Variants in SLC22A9 observed in about 807,000 individuals in gnomAD.
SLC22A9 encodes the protein solute carrier family 22 member 9.
Under a neutral mutation model 50.1 loss-of-function variants are expected in SLC22A9, and 64 were observed. That is an observed-to-expected ratio of 1.28 (90% CI 1.04 to 1.57). SLC22A9 has a LOEUF of 1.57. Ranked by LOEUF, SLC22A9 falls within the 40% of genes most tolerant of loss-of-function variation. The pLI, the probability that SLC22A9 is intolerant of heterozygous loss-of-function variation, is 0.00. For missense variants in SLC22A9, 757 were observed against 676.1 expected (o/e 1.12, Z -1.33); for synonymous variants, 261 against 242.5 (o/e 1.08, Z -0.71).
chr11:63,395,785 C>T (rs548454666), intron 6 of SLC22A9, among the ~76,000 whole-genome samples: 205 of 152,166 alleles, frequency 1.3e-3, no homozygotes, highest in African/African-American at 4.7e-3. Flanking sequence ...GAATATATGC[C>T]TTTTGTCTTC....
At chr11:63,402,251 A>T (rs890342946) in intron 6 of SLC22A9, among the ~76,000 whole-genome samples, 2 of 152,010 alleles carry the variant, frequency 1.3e-5, no homozygotes, top group East Asian at 3.9e-4. Context: ...TACATCTTAC[A>T]TTCAAGCCTT....
At position 63,409,688 on chromosome 11, in the gene SLC22A9, T is replaced by C. The variant is rs183069693; in HGVS notation, c.1602-114T>C. On this transcript the variant is annotated intron_variant, in intron 9 of 9. Transcript: ENST00000279178. Reference sequence around the variant, plus strand: ...CCCTTGGGGGCAGAGATATGGTTTTTACCAAACTAATGGACAAAGAATCAA... The same window carrying C: ...CCCTTGGGGGCAGAGATATGGTTTTCACCAAACTAATGGACAAAGAATCAA... 4 of 1,102,598 alleles carry C rather than the reference T, an allele frequency of 3.6e-6. No homozygotes were observed. In the Admixed American group the frequency reaches 6.6e-5, roughly 18 times the overall value. The allele number at this position is 1,102,598 out of a possible 1,614,324, so 68.3% of individuals were successfully genotyped here. A position where few individuals can be genotyped will look rare whatever the true frequency, so the allele number is the denominator to read the frequency against.
chr11:63,388,345 T>A (rs554711755), intron 6 of SLC22A9, among the ~76,000 whole-genome samples: 1 of 151,882 alleles, frequency 6.6e-6, no homozygotes, highest in African/African-American at 2.4e-5. Flanking sequence ...TGTTCTTCTA[T>A]GCCCAGTTTT....
In SLC22A9 at chr11:63,370,162, A is replaced by T; in HGVS notation, c.106A>T (p.Met36Leu). Residue 36 changes from methionine (M) to leucine (L), a missense_variant, in exon 1 of 10, where the codon ATG becomes TTG. By Grantham distance (15) the Met-to-Leu change is conservative (BLOSUM62 2). Coordinates refer to ENST00000279178, the MANE Select transcript of SLC22A9 (RefSeq NM_080866.3). Reference protein sequence around the residue: ...IFAVATYLHFMLENFTAFIPG... With the variant: ...IFAVATYLHFLLENFTAFIPG... ...TGCTGTTGCTACATACCTTCATTTTATGCTGGAGAACTTCACTGCATTCAT... is the reference window on the plus strand; with the variant it reads ...TGCTGTTGCTACATACCTTCATTTTTTGCTGGAGAACTTCACTGCATTCAT... 2 of 1,613,956 alleles carry T rather than the reference A, an allele frequency of 1.2e-6. No homozygotes were observed. The highest frequency in any genetic ancestry group is 1.7e-6 in the Non-Finnish European group (2 of 1,179,884).
chr11:63,385,507 A>T (rs554020665), intron 6 of SLC22A9, among the ~76,000 whole-genome samples: 14 of 151,740 alleles, frequency 9.2e-5, no homozygotes, highest in Admixed American at 7.9e-4. Context: ...GAGGTCCTTC[A>T]TTTTCCTTGT....
chr11:63,390,248 C>A (rs1382396453), intron 6 of SLC22A9, among the ~76,000 whole-genome samples: 1 of 152,152 alleles, frequency 6.6e-6, no homozygotes, highest in Non-Finnish European at 1.5e-5. Context: ...GAAGTCCTTG[C>A]CCATGCCTAT....
chr11:63,369,920 C>A lies in SLC22A9; in HGVS notation c.-137C>A. On this transcript the variant is annotated 5_prime_UTR_variant, in exon 1 of 10. Transcript: ENST00000279178. ...CCACGGTCCTGCTGCAGAGGGGAAG[C>A]ACAGTCGTCAAGAAGAGAGTGGGGT... The A allele has an allele frequency of 1.2e-6, 1 of 858,876 alleles. No homozygotes were observed. Among genetic ancestry groups the A allele is most frequent in the Non-Finnish European group, 1.7e-6 (1 of 577,034 alleles). 53.2% of individuals were successfully genotyped at this position (858,876 alleles called of 1,614,324 possible).
chr11:63,376,133 G>A (rs1261483765), intron 5 of SLC22A9, among the ~76,000 whole-genome samples: 2 of 152,070 alleles, frequency 1.3e-5, no homozygotes, highest in East Asian at 3.9e-4. Flanking sequence ...TAAAGCCAGA[G>A]GAAGGGTTAG....
chr11:63,386,615 G>A (rs931458602), intron 6 of SLC22A9, among the ~76,000 whole-genome samples: 2 of 151,518 alleles, frequency 1.3e-5, no homozygotes, highest in African/African-American at 4.8e-5. Context: ...TTACATAGAG[G>A]TGTTTATTGT....
chr11:63,408,509 C>T (rs1440448932), intron 8 of SLC22A9, among the ~76,000 whole-genome samples, 167 bp from the exon 9 acceptor site: 1 of 152,132 alleles, frequency 6.6e-6, no homozygotes, highest in East Asian at 1.9e-4. Flanking sequence ...CACTTGTGAA[C>T]TGAAAAATTA....
At position 63,410,257 on chromosome 11, in the gene SLC22A9, A is replaced by AAAAAAAAAAAAAAGAAGGAAAGAAAG; in HGVS notation, c.*398_*399insAAAAAAAAAAGAAGGAAAGAAAGAAA. The AAAAAAAAAAAAAAGAAGGAAAGAAAG allele has an allele frequency of 1.8e-5, 2 of 108,480 alleles. No homozygotes were observed. Among genetic ancestry groups the AAAAAAAAAAAAAAGAAGGAAAGAAAG allele is most frequent in the African/African-American group, 4.4e-5 (1 of 22,664 alleles). The allele number at this position is 108,480 out of a possible 1,614,324, so 6.7% of individuals were successfully genotyped here. A position where few individuals can be genotyped will look rare whatever the true frequency, so the allele number is the denominator to read the frequency against. On this transcript the variant is annotated 3_prime_UTR_variant, in exon 10 of 10. Transcript: ENST00000279178. ...CTGTCTCAAAAAAAAAAAAAAAAAA[A>AAAAAAAAAAAAAAGAAGGAAAGAAAG]AAAGAAAGAAGGAAAGAAAGAAAGA...
At chr11:63,405,120 T>C (rs994167672) in intron 6 of SLC22A9, among the ~76,000 whole-genome samples, 3 of 151,646 alleles carry the variant, frequency 2.0e-5, no homozygotes, top group African/African-American at 4.8e-5. Flanking sequence ...ATTGAAATAA[T>C]AACAATAATA....
At chr11:63,401,808 G>A (rs1230888314) in intron 6 of SLC22A9, among the ~76,000 whole-genome samples, 4 of 152,080 alleles carry the variant, frequency 2.6e-5, no homozygotes, top group African/African-American at 7.2e-5. Context: ...TCTGACTGGT[G>A]TAAGATGCTA....
At chr11:63,400,069 A>G (rs2014926914) in intron 6 of SLC22A9, among the ~76,000 whole-genome samples, 1 of 152,096 alleles carries the variant, frequency 6.6e-6, no homozygotes, top group Non-Finnish European at 1.5e-5. Context: ...ATAAACACCT[A>G]CCTCAAAACA....
intron 6 of SLC22A9, among the ~76,000 whole-genome samples, chr11:63,397,465 G>A (rs759371361): frequency 9.2e-5 from 14 of 152,186 alleles, no homozygotes; most frequent in South Asian, 2.1e-4. Context: ...TTCCCTTCAC[G>A]GTCACAAGTT....
rs772836686 is a variant in SLC22A9, at chr11:63,408,657, T to C, written c.1398-19T>C. The C allele has an allele frequency of 3.8e-6, 6 of 1,599,600 alleles. No homozygotes were observed. The highest frequency in any genetic ancestry group is 2.2e-5 in the South Asian group (2 of 90,790). ...TGGATTTTTAACAGATATTCTTGTATTGCTGTTTCCACTCAAAGGGCAAGA... is the reference window on the plus strand; with the variant it reads ...TGGATTTTTAACAGATATTCTTGTACTGCTGTTTCCACTCAAAGGGCAAGA... On this transcript the variant is annotated intron_variant, in intron 8 of 9. Transcript: ENST00000279178.
chr11:63,384,045 C>T (rs2014615861), intron 6 of SLC22A9, among the ~76,000 whole-genome samples: 1 of 92,252 alleles, frequency 1.1e-5, no homozygotes, highest in Non-Finnish European at 2.3e-5. Flanking sequence ...GAGACTCCAT[C>T]TAAGAAAAAA....
intron 5 of SLC22A9, among the ~76,000 whole-genome samples, chr11:63,380,011 C>T (rs535629405): frequency 1.0e-3 from 155 of 152,052 alleles, no homozygotes; most frequent in Non-Finnish European, 1.9e-3. Flanking sequence ...GGATTACAAG[C>T]GTAAGCCATC....
intron 2 of SLC22A9, among the ~76,000 whole-genome samples, chr11:63,373,259 G>A (rs1304128137): frequency 2.7e-5 from 4 of 150,816 alleles, no homozygotes; most frequent in African/African-American, 9.8e-5. Flanking sequence ...AGATTTAGAT[G>A]TCTTATAGGC....
Sources: gnomAD v4.1 joint callset for allele counts (sites outside exome capture counted in the v4.1 genomes callset) on GRCh38, gnomAD v4.1.1 for gene constraint, MANE v1.5 for transcripts, NCBI Gene and HGNC (gene_info 2026-07-23, HGNC 2026-07-21) for gene names.